The following CHIA variants were observed in gnomAD, a reference collection of about 807,000 sequenced individuals.
CHIA encodes chitinase acidic.
A neutral mutation model predicts 53.5 loss-of-function variants in CHIA; 47 were observed. The ratio of observed to expected loss-of-function variants is 0.88; its 90% CI spans 0.70 to 1.12. CHIA has a LOEUF of 1.12. Among genes scored for constraint, CHIA ranks in the 50% most tolerant of loss-of-function variants. CHIA has a pLI of 0.00. For missense variants in CHIA, 652 were observed against 592.2 expected (o/e 1.10, Z -1.05); for synonymous variants, 268 against 222.2 (o/e 1.21, Z -1.83).
chr1:111,294,940 A>G (rs2101599439), intron 1 of CHIA, among the ~76,000 whole-genome samples: 1 of 152,218 alleles, frequency 6.6e-6, no homozygotes, highest in South Asian at 2.1e-4. Flanking sequence ...GTTTAATAGT[A>G]TTTTGTTGAG....
rs769844294 is a variant in CHIA at position 111,311,718 on chromosome 1, G to C, written c.55G>C (p.Gly19Arg). The C allele has an allele frequency of 6.2e-7, 1 of 1,613,524 alleles. No individual in the cohort carries two copies. The highest frequency in any genetic ancestry group is 8.5e-7 in the Non-Finnish European group (1 of 1,179,670). Reference protein sequence around the residue: ...GLVLILNLQLGSAYQLTCYFT... With the variant: ...GLVLILNLQLRSAYQLTCYFT... Reference sequence around the variant, plus strand: ...TGTCCTTATACTGAATTTGCAGCTCGGTAAGTCATGGACTCCATGTTTTAT... The same window carrying C: ...TGTCCTTATACTGAATTTGCAGCTCCGTAAGTCATGGACTCCATGTTTTAT... The change falls in exon 3 of 12, where the codon GGC becomes CGC. Residue 19 changes from glycine to arginine, a missense_variant and splice_region_variant. Coordinates refer to ENST00000369740, the MANE Select transcript of CHIA (RefSeq NM_201653.4).
At chr1:111,309,412 T>C (rs1648485271) in intron 1 of CHIA, among the ~76,000 whole-genome samples, 3 of 152,204 alleles carry the variant, frequency 2.0e-5, no homozygotes, top group Admixed American at 2.0e-4. Flanking sequence ...CAAGACAGCA[T>C]CATATAAGCA....
At chr1:111,292,911 T>A (rs1354101398) in intron 1 of CHIA, among the ~76,000 whole-genome samples, 1 of 152,228 alleles carries the variant, frequency 6.6e-6, no homozygotes, top group Non-Finnish European at 1.5e-5. Context: ...TTGTAGCAAG[T>A]CAGAATTTCC....
At chr1:111,318,724 T>G (rs753299587) in intron 9 of CHIA, 46 bp downstream of exon 9, 38 of 1,565,160 alleles carry the variant, frequency 2.4e-5, no homozygotes, top group Non-Finnish European at 3.2e-5. Flanking sequence ...CCGTGCACTG[T>G]GCCTTAGGGC....
Position 111,319,260 on chromosome 1 carries a change from G to A in CHIA, c.1035+21G>A. ...TTAAGGTAAGATCAGTCCCTTAAAT[G>A]TGCTGAGGTCCCAGCCCTGAGTCCC... On this transcript the variant is annotated intron_variant, in intron 10 of 11. Coordinates refer to ENST00000369740, the MANE Select transcript of CHIA (RefSeq NM_201653.4). 3 of 1,614,166 alleles carry A rather than the reference G, an allele frequency of 1.9e-6. No homozygotes were observed. The East Asian group carries it at 6.7e-5, about 36-fold the overall frequency.
At chr1:111,300,741 T>G (rs1647653165) in intron 1 of CHIA, among the ~76,000 whole-genome samples, 1 of 152,094 alleles carries the variant, frequency 6.6e-6, no homozygotes, top group African/African-American at 2.4e-5. Context: ...GGGATCTAAT[T>G]AAACTAAAGA....
intron 2 of CHIA, among the ~76,000 whole-genome samples, chr1:111,311,200 T>C (rs892246625): frequency 6.6e-6 from 1 of 152,216 alleles, no homozygotes; most frequent in Non-Finnish European, 1.5e-5. Context: ...GAAAGGTATC[T>C]GGAGTCTCAC....
intron 1 of CHIA, among the ~76,000 whole-genome samples, chr1:111,291,527 G>A (rs11576566): frequency 6.6e-6 from 1 of 151,552 alleles, no homozygotes; most frequent in Non-Finnish European, 1.5e-5. Flanking sequence ...TGGGGGCAAG[G>A]GGGGGAGAGC....
At chr1:111,318,977 G>A in intron 9 of CHIA, 143 bp from the exon 10 acceptor site, 1 of 1,191,224 alleles carries the variant, frequency 8.4e-7, no homozygotes, top group Non-Finnish European at 1.1e-6. Flanking sequence ...CAAGCAACTT[G>A]ATCCTCTTTA....
intron 1 of CHIA, among the ~76,000 whole-genome samples, chr1:111,308,582 T>G (rs1263115417): frequency 6.6e-6 from 1 of 152,222 alleles, no homozygotes; most frequent in Non-Finnish European, 1.5e-5. Flanking sequence ...TACTTTTTAT[T>G]CTTTTAGAAT....
At chr1:111,312,879 A>ACTT (rs1234402345) in intron 4 of CHIA, among the ~76,000 whole-genome samples, 1 of 149,768 alleles carries the variant, frequency 6.7e-6, no homozygotes, top group Non-Finnish European at 1.5e-5. Flanking sequence ...TTTAGATTCC[A>ACTT]CTTATAAGTG....
chr1:111,306,832 T>G (rs545871746), intron 1 of CHIA, among the ~76,000 whole-genome samples: 2 of 152,178 alleles, frequency 1.3e-5, no homozygotes, highest in East Asian at 1.9e-4. Context: ...AAACAGCCAA[T>G]AAATGTCAAA....
intron 1 of CHIA, among the ~76,000 whole-genome samples, chr1:111,306,448 G>C (rs1648193414): frequency 6.6e-6 from 1 of 152,036 alleles, no homozygotes; most frequent in African/African-American, 2.4e-5. Context: ...ACACACAAAA[G>C]ATAAATTTGA....
In CHIA at chr1:111,317,728, C is replaced by G; in HGVS notation, c.528C>G (p.Pro176=). 6.2e-7 allele frequency: 1 copy of G among 1,613,992 alleles called. No homozygotes were observed. The highest frequency in any genetic ancestry group is 8.5e-7 in the Non-Finnish European group (1 of 1,180,024). ...FEQEAKQINK[P]RLMVTAAVAA... is the part of the protein sequence containing the mutation. The stretch of plus-strand genomic sequence containing the variant: ...AGGAGGCCAAGCAGATCAACAAGCC[C>G]AGGCTGATGGTCACTGCTGCAGTAG... The change falls in exon 7 of 12, where the codon CCC becomes CCG. Residue 176 remains proline (P), a synonymous_variant. Transcript: ENST00000369740.
intron 6 of CHIA, 84 bp from the exon 7 acceptor site, chr1:111,317,597 T>G: frequency 6.8e-7 from 1 of 1,468,606 alleles, no homozygotes; most frequent in Non-Finnish European, 9.5e-7. Context: ...GAGAGAAGCA[T>G]TATACAGACA....
chr1:111,316,192 T>C (rs2101648166), intron 6 of CHIA: 1 of 173,248 alleles, frequency 5.8e-6, no homozygotes, highest in Non-Finnish European at 1.2e-5. Context: ...AGCAAGTGGG[T>C]GATAATGGCT....
chr1:111,311,613 C>T, intron 2 of CHIA, 76 bp from the exon 3 acceptor site: 1 of 1,521,620 alleles, frequency 6.6e-7, no homozygotes, highest in South Asian at 1.1e-5. Context: ...AATTGGAAGG[C>T]AATCAATCCT....
intron 1 of CHIA, among the ~76,000 whole-genome samples, chr1:111,309,589 C>T (rs797018895): frequency 2.8e-4 from 42 of 152,250 alleles, no homozygotes; most frequent in African/African-American, 9.6e-4. Context: ...TGGAGGGATA[C>T]CTTGAGCAAA....
At chr1:111,317,113 C>G (rs1649222293) in intron 6 of CHIA, 1 of 152,778 alleles carries the variant, frequency 6.5e-6, no homozygotes, top group African/African-American at 2.4e-5. Context: ...CCAGCCTTCA[C>G]TGGAACATAC....
Sources: gnomAD v4.1 joint callset for allele counts (sites outside exome capture counted in the v4.1 genomes callset) on GRCh38, gnomAD v4.1.1 for gene constraint, MANE v1.5 for transcripts, NCBI Gene and HGNC (gene_info 2026-07-23, HGNC 2026-07-21) for gene names.